ARHGAP24: variants seen among roughly 807,000 people sequenced by gnomAD.
The protein encoded by ARHGAP24 is rho GTPase-activating protein 24.
In ARHGAP24, 50 loss-of-function variants were observed where a neutral mutation model predicts 76.4. The ratio of observed to expected loss-of-function variants is 0.65; its 90% CI spans 0.52 to 0.83. ARHGAP24 has a LOEUF of 0.83. Among genes scored for constraint, ARHGAP24 ranks in the 40% least tolerant of loss-of-function variants. The pLI is 0.00. For synonymous variants in ARHGAP24, 345 were observed against 323.3 expected (o/e 1.07, Z -0.72); for missense variants, 930 against 914.2 (o/e 1.02, Z -0.22).
At chr4:85,487,257 T>C (rs1390168921) in intron 1 of ARHGAP24, among the ~76,000 whole-genome samples, 2 of 126,306 alleles carry the variant, frequency 1.6e-5, no homozygotes, top group Non-Finnish European at 3.2e-5. Flanking sequence ...TATATATTTA[T>C]TATATATAAA....
intron 4 of ARHGAP24, among the ~76,000 whole-genome samples, chr4:85,940,784 T>C (rs1736911381): frequency 6.6e-6 from 1 of 152,192 alleles, no homozygotes; most frequent in Admixed American, 6.5e-5. Flanking sequence ...AAATAGAATA[T>C]ATGTATTTCA....
intron 2 of ARHGAP24, among the ~76,000 whole-genome samples, chr4:85,586,533 A>G (rs1318040138): frequency 6.6e-6 from 1 of 152,198 alleles, no homozygotes; most frequent in Non-Finnish European, 1.5e-5. Flanking sequence ...TGTTACATCT[A>G]TCATTTGATA....
chr4:85,925,376 C>G (rs1486463506), intron 4 of ARHGAP24, among the ~76,000 whole-genome samples: 1 of 152,144 alleles, frequency 6.6e-6, no homozygotes, highest in Admixed American at 6.5e-5. Flanking sequence ...TCAAGAAAGC[C>G]TTGTTTTACT....
chr4:85,811,991 T>C (rs369731445), intron 3 of ARHGAP24, among the ~76,000 whole-genome samples: 10 of 152,088 alleles, frequency 6.6e-5, no homozygotes, highest in East Asian at 5.8e-4. Flanking sequence ...GTCTGACCCA[T>C]ATGGTGAAAC....
intron 5 of ARHGAP24, among the ~76,000 whole-genome samples, chr4:85,955,774 C>T (rs1368073869): frequency 6.6e-6 from 1 of 152,152 alleles, no homozygotes; most frequent in East Asian, 1.9e-4. Context: ...AACATCACAC[C>T]ATTACTGGGA....
chr4:85,758,287 G>A (rs1240095905), intron 3 of ARHGAP24, among the ~76,000 whole-genome samples: 1 of 152,132 alleles, frequency 6.6e-6, no homozygotes, highest in Non-Finnish European at 1.5e-5. Flanking sequence ...GTCCTCAAAG[G>A]GAGCCTATCG....
intron 3 of ARHGAP24, among the ~76,000 whole-genome samples, chr4:85,806,108 C>CT (rs1421135876): frequency 6.6e-6 from 1 of 152,144 alleles, no homozygotes; most frequent in African/African-American, 2.4e-5. Flanking sequence ...GAAACATGAA[C>CT]TTTGAGTTTA....
chr4:85,939,590 A>G (rs1312636169), intron 4 of ARHGAP24, among the ~76,000 whole-genome samples: 1 of 152,200 alleles, frequency 6.6e-6, no homozygotes, highest in East Asian at 1.9e-4. Flanking sequence ...GTTTTAAAGT[A>G]AATTCTCATT....
At chr4:85,827,518 T>TGTGTGTGTA (rs1368669294) in intron 3 of ARHGAP24, among the ~76,000 whole-genome samples, 2 of 57,936 alleles carry the variant, frequency 3.5e-5, no homozygotes, top group African/African-American at 5.9e-5. Context: ...GTGTGTGTGT[T>TGTGTGTGTA]TAGAGAGAGA....
intron 1 of ARHGAP24, among the ~76,000 whole-genome samples, chr4:85,564,819 A>G (rs1398419034): frequency 6.8e-6 from 1 of 148,032 alleles, no homozygotes; most frequent in Non-Finnish European, 1.5e-5. Flanking sequence ...TCGCTTGCCT[A>G]CAGCTCACCT....
At chr4:85,930,227 G>C (rs1303377893) in intron 4 of ARHGAP24, 2 of 985,152 alleles carry the variant, frequency 2.0e-6, no homozygotes, top group Admixed American at 1.2e-4. Context: ...GATCCAAAGA[G>C]CCTCTTGGAA....
Position 85,583,922 on chromosome 4 carries a change from C to T in ARHGAP24, c.180+13201C>T, listed in dbSNP as rs1489861058. On this transcript the variant is annotated intron_variant, in intron 2 of 9. Transcript: ENST00000395184. Reference sequence around the variant, plus strand: ...ATCTCACACCAGTTAGAATGGCAATCGTTAAAAAGTCAGGAAACAACAGGT... The same window carrying T: ...ATCTCACACCAGTTAGAATGGCAATTGTTAAAAAGTCAGGAAACAACAGGT... Among the ~76,000 whole-genome samples, 40 of 91,522 alleles carry T rather than the reference C, an allele frequency of 4.4e-4. 1 individual carries two copies. The highest frequency in any genetic ancestry group is 9.8e-4 in the African/African-American group (35 of 35,714). 60.0% of individuals were successfully genotyped at this position (91,522 alleles called of 152,430 possible). A position where few individuals can be genotyped will look rare whatever the true frequency, so the allele number is the denominator to read the frequency against.
chr4:85,871,496 A>G (rs542185265), intron 3 of ARHGAP24, among the ~76,000 whole-genome samples: 1 of 152,282 alleles, frequency 6.6e-6, no homozygotes, highest in South Asian at 2.1e-4. Context: ...GAAAAGGTAA[A>G]TCAGCCTTTC....
rs568022912 is a variant in ARHGAP24, at chr4:85,513,922, C to T, written c.-21+38363C>T. On this transcript the variant is annotated intron_variant, in intron 1 of 9. Transcript: ENST00000395184. ...CAGTATCTTCACTTGCTCTACTTGACGACTGTCATGACAGGGGTCCTAATA... is the reference window on the plus strand; with the variant it reads ...CAGTATCTTCACTTGCTCTACTTGATGACTGTCATGACAGGGGTCCTAATA... 6.6e-5 allele frequency among the ~76,000 whole-genome samples: 10 copies of T among 152,188 alleles called. No homozygotes were observed. The East Asian group carries it at 1.2e-3, about 18-fold the overall frequency.
Position 85,871,536 on chromosome 4 carries a change from C to T in ARHGAP24, c.269-52112C>T, listed in dbSNP as rs76234885. Reference sequence around the variant, plus strand: ...AACTACATACACATATTCCACGAAACCTAAGCTAAATGTATACCCAATACA... The same window carrying T: ...AACTACATACACATATTCCACGAAATCTAAGCTAAATGTATACCCAATACA... On this transcript the variant is annotated intron_variant, in intron 3 of 9. Coordinates refer to ENST00000395184, the MANE Select transcript of ARHGAP24 (RefSeq NM_001025616.3). 4.7e-3 allele frequency among the ~76,000 whole-genome samples: 722 copies of T among 152,158 alleles called. 7 individuals are homozygous for T. The highest frequency in any genetic ancestry group is 0.017 in the African/African-American group (685 of 41,506).
At chr4:85,611,282 A>C (rs1720374178) in intron 2 of ARHGAP24, among the ~76,000 whole-genome samples, 1 of 152,208 alleles carries the variant, frequency 6.6e-6, no homozygotes, top group African/African-American at 2.4e-5. Flanking sequence ...GTGACCTGGT[A>C]AATGTAGGGA....
chr4:85,661,421 C>A (rs2109992242), intron 2 of ARHGAP24, among the ~76,000 whole-genome samples: 1 of 152,200 alleles, frequency 6.6e-6, no homozygotes, highest in South Asian at 2.1e-4. Flanking sequence ...TTCATATGGT[C>A]CTCCATTATT....
chr4:85,477,217 T>C (rs1378840346), intron 1 of ARHGAP24, among the ~76,000 whole-genome samples: 2 of 152,184 alleles, frequency 1.3e-5, no homozygotes, highest in Admixed American at 6.5e-5. Context: ...TCTTTCTGCA[T>C]GTGGAGGGGC....
At chr4:85,700,848 A>T (rs114428149) in intron 2 of ARHGAP24, among the ~76,000 whole-genome samples, 2,233 of 152,312 alleles carry the variant, frequency 0.015, 47 homozygotes, top group African/African-American at 0.051. Context: ...TTTGAAATTT[A>T]TCTGGTATAT....
Sources: gnomAD v4.1 joint callset for allele counts (sites outside exome capture counted in the v4.1 genomes callset) on GRCh38, gnomAD v4.1.1 for gene constraint, MANE v1.5 for transcripts, NCBI Gene and HGNC (gene_info 2026-07-23, HGNC 2026-07-21) for gene names.